The following PTPRN2 variants were observed in gnomAD, a reference collection of about 807,000 sequenced individuals.
The protein encoded by PTPRN2 is protein tyrosine phosphatase receptor type N2, also known as receptor-type tyrosine-protein phosphatase N2.
In PTPRN2, 74 loss-of-function variants were observed where a neutral mutation model predicts 118.8. The ratio of observed to expected loss-of-function variants is 0.62; its 90% CI spans 0.52 to 0.76. The LOEUF is 0.76. Among genes scored for constraint, PTPRN2 ranks in the 30% least tolerant of loss-of-function variants. The pLI is 0.00. For synonymous variants in PTPRN2, 641 were observed against 608.0 expected, an observed-to-expected ratio of 1.05 and a Z score of -0.80; for missense variants, 1,481 against 1,394.4, an observed-to-expected ratio of 1.06 and a Z score of -0.99.
chr7:158,561,311 G>T (rs1477316615), intron 1 of PTPRN2, among the ~76,000 whole-genome samples: 1 of 152,096 alleles, frequency 6.6e-6, no homozygotes, highest in Non-Finnish European at 1.5e-5. Context: ...AGTCTCCCCA[G>T]GTCTAAGAGA....
chr7:158,240,102 T>C (rs1349138563), intron 3 of PTPRN2, among the ~76,000 whole-genome samples: 2 of 152,308 alleles, frequency 1.3e-5, no homozygotes, highest in Admixed American at 1.3e-4. Context: ...ACTTGGGGCT[T>C]ATGTGCATTA....
chr7:158,341,522 C>A (rs1437749514), intron 2 of PTPRN2, among the ~76,000 whole-genome samples: 4 of 117,418 alleles, frequency 3.4e-5, no homozygotes, highest in African/African-American at 1.3e-4. Context: ...CTCACACCCA[C>A]ACTCTCACCA....
intron 2 of PTPRN2, among the ~76,000 whole-genome samples, chr7:158,462,161 C>T (rs1819055395): frequency 7.8e-6 from 1 of 127,590 alleles, no homozygotes; most frequent in East Asian, 2.6e-4. Flanking sequence ...TCCCAACACT[C>T]GCCCTATATC....
intron 12 of PTPRN2, among the ~76,000 whole-genome samples, chr7:157,799,834 T>A (rs1265136068): frequency 1.3e-5 from 1 of 79,116 alleles, no homozygotes. Context: ...GCCGGCCCCC[T>A]CCATCCCTCA....
At chr7:158,554,136 T>G (rs1826832359) in intron 1 of PTPRN2, among the ~76,000 whole-genome samples, 1 of 152,198 alleles carries the variant, frequency 6.6e-6, no homozygotes. Context: ...TGTGGTGGCA[T>G]GTGCCTGTAG....
At chr7:158,251,125 T>C (rs1360813669) in intron 3 of PTPRN2, among the ~76,000 whole-genome samples, 3 of 152,116 alleles carry the variant, frequency 2.0e-5, no homozygotes, top group Non-Finnish European at 4.4e-5. Context: ...AAGCGTACTG[T>C]TACTTAGCAG....
intron 2 of PTPRN2, among the ~76,000 whole-genome samples, chr7:158,485,352 C>T (rs1820932461): frequency 6.6e-6 from 1 of 150,522 alleles, no homozygotes; most frequent in African/African-American, 2.4e-5. Flanking sequence ...CCTCTGCGCC[C>T]CTCCTGCTCG....
At chr7:158,397,682 A>G (rs747895116) in intron 2 of PTPRN2, among the ~76,000 whole-genome samples, 25 of 152,186 alleles carry the variant, frequency 1.6e-4, no homozygotes, top group Middle Eastern at 3.4e-3. Flanking sequence ...CTCCACTTCC[A>G]CATGACAACA....
chr7:158,244,996 C>T (rs1212641457), intron 3 of PTPRN2, among the ~76,000 whole-genome samples: 1 of 152,224 alleles, frequency 6.6e-6, no homozygotes, highest in Non-Finnish European at 1.5e-5. Context: ...TGCTCCCTGG[C>T]TGTGTCATGT....
rs1230705923 is a variant in PTPRN2 at position 157,583,593 on chromosome 7, A to G, written c.2497-5453T>C. On this transcript the variant is annotated intron_variant, in intron 17 of 22. Coordinates refer to ENST00000389418, the MANE Select transcript of PTPRN2 (RefSeq NM_002847.5). The surrounding 1 kb of genome is among the most constrained non-coding windows in gnomAD (Gnocchi z 5.5). ...GTACACCTTAAACATTTACAATTAAAAACAACTCGACCGGGCACAGGGGCT... is the reference window on the plus strand; with the variant it reads ...GTACACCTTAAACATTTACAATTAAGAACAACTCGACCGGGCACAGGGGCT... 6.6e-6 allele frequency among the ~76,000 whole-genome samples: 1 copy of G among 152,196 alleles called. No homozygotes were observed.
chr7:158,001,394 G>A (rs1430238956), intron 11 of PTPRN2, among the ~76,000 whole-genome samples: 1 of 152,006 alleles, frequency 6.6e-6, no homozygotes, highest in African/African-American at 2.4e-5. Flanking sequence ...AGAATGGGAA[G>A]CTGGAGCCTT....
chr7:157,832,047 C>T (rs1018308396), intron 12 of PTPRN2, among the ~76,000 whole-genome samples: 35 of 152,150 alleles, frequency 2.3e-4, no homozygotes, highest in African/African-American at 7.5e-4. Flanking sequence ...GCTAATTCTC[C>T]GGGGTGGAGG....
chr7:157,912,360 GTTAT>G (rs1315222799), intron 11 of PTPRN2, among the ~76,000 whole-genome samples: 1 of 152,080 alleles, frequency 6.6e-6, no homozygotes, highest in East Asian at 1.9e-4. Context: ...TTTCTACTGG[GTTAT>G]TTGTCTTTTT....
At chr7:158,297,676 C>T (rs115281876) in intron 3 of PTPRN2, among the ~76,000 whole-genome samples, 2,198 of 152,248 alleles carry the variant, frequency 0.014, 66 homozygotes, top group African/African-American at 0.05. Context: ...AGAGAATGGC[C>T]AATGTTTAGA....
intron 11 of PTPRN2, among the ~76,000 whole-genome samples, chr7:158,078,593 C>T (rs1812557112): frequency 1.3e-5 from 2 of 152,230 alleles, no homozygotes; most frequent in East Asian, 1.9e-4. Context: ...CAGTAAGAGG[C>T]TCCTCTTCAC....
chr7:157,818,064 T>C (rs990756640), intron 12 of PTPRN2, among the ~76,000 whole-genome samples: 4 of 126,404 alleles, frequency 3.2e-5, no homozygotes, highest in African/African-American at 7.2e-5. Context: ...GTGGCATGTG[T>C]GGTGTGTGTG....
intron 12 of PTPRN2, chr7:157,862,676 C>T (rs1170457108): frequency 6.6e-6 from 1 of 152,278 alleles, no homozygotes; most frequent in Non-Finnish European, 1.5e-5. Flanking sequence ...GTGCTGAGCA[C>T]AGTCCCTGAG....
chr7:158,138,602 T>C (rs965356470), intron 6 of PTPRN2, 87 bp from the exon 7 acceptor site: 15 of 1,314,204 alleles, frequency 1.1e-5, no homozygotes, highest in Non-Finnish European at 1.4e-5. Context: ...GTGGTGGGCG[T>C]CTGCGGCGTC....
chr7:158,112,492 C>A (rs576881438), intron 9 of PTPRN2, among the ~76,000 whole-genome samples: 1 of 152,164 alleles, frequency 6.6e-6, no homozygotes, highest in Admixed American at 6.5e-5. Context: ...CTGGCCACCA[C>A]GGCTGTCCGG....
Sources: allele counts gnomAD v4.1 joint callset (sites outside exome capture counted in the v4.1 genomes callset), GRCh38; gene constraint gnomAD v4.1.1; non-coding constraint Gnocchi (gnomAD v3.1); transcripts MANE v1.5; gene names NCBI Gene and HGNC (gene_info 2026-07-23, HGNC 2026-07-21).